The following CAMKMT variants were observed in gnomAD, a reference collection of about 807,000 sequenced individuals.
CAMKMT encodes the protein CaM KMT.
Under a neutral mutation model 48.0 loss-of-function variants are expected in CAMKMT, and 53 were observed. The ratio of observed to expected loss-of-function variants is 1.10; its 90% CI spans 0.89 to 1.39. CAMKMT has a LOEUF of 1.39. Among genes scored for constraint, CAMKMT ranks in the 40% most tolerant of loss-of-function variants. CAMKMT has a pLI of 0.00. For synonymous variants in CAMKMT, 165 were observed against 152.3 expected (o/e 1.08, Z -0.61); for missense variants, 428 against 402.7 (o/e 1.06, Z -0.54).
At chr2:44,517,630 G>A (rs1364663266) in intron 3 of CAMKMT, among the ~76,000 whole-genome samples, 1 of 152,144 alleles carries the variant, frequency 6.6e-6, no homozygotes, top group African/African-American at 2.4e-5. Flanking sequence ...AGTATTGAAA[G>A]GTGTAATAGG....
At position 44,424,135 on chromosome 2, in the gene CAMKMT, G is replaced by A. The variant is rs1684112091; in HGVS notation, c.376+33830G>A. 2.0e-5 allele frequency among the ~76,000 whole-genome samples: 3 copies of A among 151,614 alleles called. No individual in the cohort carries two copies. The South Asian group carries it at 6.3e-4, about 32-fold the overall frequency. On this transcript the variant is annotated intron_variant, in intron 3 of 10. Transcript: ENST00000378494. ...CTTTTCTCGTCCTCTTATACTATTT[G>A]CTATTATATTTCCTTTCTTATGCCA...
At chr2:44,607,704 C>T (rs908806772) in intron 3 of CAMKMT, among the ~76,000 whole-genome samples, 8 of 152,002 alleles carry the variant, frequency 5.3e-5, no homozygotes, top group Non-Finnish European at 1.0e-4. Flanking sequence ...CAATTAGGTG[C>T]TTCATTGGCT....
chr2:44,485,652 C>T (rs1572627658), intron 3 of CAMKMT, among the ~76,000 whole-genome samples: 2 of 152,134 alleles, frequency 1.3e-5, no homozygotes, highest in Non-Finnish European at 2.9e-5. Flanking sequence ...ATACTGTGGG[C>T]AACTGTAACA....
intron 3 of CAMKMT, among the ~76,000 whole-genome samples, chr2:44,586,399 AC>A (rs1213930856): frequency 1.3e-5 from 2 of 152,030 alleles, no homozygotes; most frequent in Admixed American, 6.5e-5. Context: ...CATATTTATC[AC>A]CCCCAAAAGT....
At chr2:44,363,956 C>G (rs879012499) in intron 1 of CAMKMT, among the ~76,000 whole-genome samples, 1 of 151,218 alleles carries the variant, frequency 6.6e-6, no homozygotes, top group African/African-American at 2.4e-5. Context: ...TCCCGAAGTG[C>G]TGGGATTACA....
At chr2:44,464,692 GA>G (rs1013911045) in intron 3 of CAMKMT, among the ~76,000 whole-genome samples, 1 of 151,618 alleles carries the variant, frequency 6.6e-6, no homozygotes, top group African/African-American at 2.4e-5. Flanking sequence ...AGTGCTGAAA[GA>G]AAAAAAACTG....
intron 3 of CAMKMT, among the ~76,000 whole-genome samples, chr2:44,668,543 C>G (rs936896806): frequency 2.0e-5 from 3 of 152,202 alleles, no homozygotes; most frequent in African/African-American, 4.8e-5. Flanking sequence ...TTTCTCTGCT[C>G]TTTTTCATAG....
At chr2:44,748,503 G>T (rs913083990) in intron 8 of CAMKMT, among the ~76,000 whole-genome samples, 1 of 152,112 alleles carries the variant, frequency 6.6e-6, no homozygotes, top group Non-Finnish European at 1.5e-5. Flanking sequence ...TTTCCCGTAG[G>T]CCTGGGTAAC....
At chr2:44,673,577 T>A (rs1675488854) in intron 3 of CAMKMT, among the ~76,000 whole-genome samples, 1 of 151,956 alleles carries the variant, frequency 6.6e-6, no homozygotes, top group Admixed American at 6.6e-5. Context: ...CTGATGAGTG[T>A]GACCAGCTTG....
chr2:44,475,533 G>C (rs918583500), intron 3 of CAMKMT, among the ~76,000 whole-genome samples: 47 of 152,036 alleles, frequency 3.1e-4, no homozygotes, highest in African/African-American at 1.1e-3. Flanking sequence ...GGCCAGGATG[G>C]TCTTGATCTC....
intron 3 of CAMKMT, among the ~76,000 whole-genome samples, chr2:44,659,175 A>G (rs1674541961): frequency 6.7e-6 from 1 of 149,916 alleles, no homozygotes; most frequent in African/African-American, 2.5e-5. Flanking sequence ...TAACCCCAAC[A>G]GTTTCAAGGC....
chr2:44,363,984 C>A (rs556890877), intron 1 of CAMKMT, among the ~76,000 whole-genome samples: 21 of 150,562 alleles, frequency 1.4e-4, no homozygotes, highest in South Asian at 8.4e-4. Context: ...GCCACCATGC[C>A]TGCCACGCCC....
chr2:44,588,210 C>T (rs1669998595), intron 3 of CAMKMT, among the ~76,000 whole-genome samples: 1 of 121,250 alleles, frequency 8.2e-6, no homozygotes, highest in East Asian at 2.2e-4. Flanking sequence ...GGCAACCGCC[C>T]CGTCTGAGAA....
At chr2:44,465,293 T>C (rs1285899355) in intron 3 of CAMKMT, among the ~76,000 whole-genome samples, 3 of 151,542 alleles carry the variant, frequency 2.0e-5, no homozygotes, top group African/African-American at 7.3e-5. Flanking sequence ...TAAAAACACA[T>C]CACTAAAAAA....
intron 3 of CAMKMT, among the ~76,000 whole-genome samples, chr2:44,437,308 C>A (rs1236748048): frequency 2.0e-5 from 3 of 152,100 alleles, no homozygotes; most frequent in Non-Finnish European, 2.9e-5. Context: ...CTCCTTAATT[C>A]ATTAACCATC....
At chr2:44,728,364 A>G (rs1678901276) in intron 7 of CAMKMT, among the ~76,000 whole-genome samples, 1 of 152,190 alleles carries the variant, frequency 6.6e-6, no homozygotes, top group Admixed American at 6.5e-5. Context: ...CATGAGGGAT[A>G]TTGGTCTGAA....
chr2:44,700,663 C>T (rs537592934), intron 3 of CAMKMT, among the ~76,000 whole-genome samples: 18 of 152,160 alleles, frequency 1.2e-4, no homozygotes, highest in South Asian at 2.1e-4. Flanking sequence ...CAATTCATGC[C>T]GCCCCAAAAC....
intron 3 of CAMKMT, among the ~76,000 whole-genome samples, chr2:44,485,711 A>G (rs1669182881): frequency 6.6e-6 from 1 of 152,170 alleles, no homozygotes; most frequent in Non-Finnish European, 1.5e-5. Flanking sequence ...ACAATAAAAA[A>G]CTGATATTAT....
chr2:44,369,600 T>C (rs1291014216), intron 1 of CAMKMT: 2 of 152,172 alleles, frequency 1.3e-5, no homozygotes, highest in Non-Finnish European at 2.9e-5. Context: ...TCTACCACAA[T>C]AAAGAACCTG....
Sources: gnomAD v4.1 joint callset for allele counts (sites outside exome capture counted in the v4.1 genomes callset) on GRCh38, gnomAD v4.1.1 for gene constraint, MANE v1.5 for transcripts, NCBI Gene and HGNC (gene_info 2026-07-23, HGNC 2026-07-21) for gene names.